The following SBF2 variants were observed in gnomAD, a reference collection of about 807,000 sequenced individuals.
SBF2 encodes SET binding factor 2, also known as myotubularin-related protein 13.
Under a neutral mutation model 225.2 loss-of-function variants are expected in SBF2, and 112 were observed. The ratio of observed to expected loss-of-function variants is 0.50; its 90% confidence interval spans 0.43 to 0.58. The LOEUF is 0.58. Ranked by LOEUF, SBF2 falls within the 20% of genes least tolerant of loss-of-function variation. The pLI, the probability that SBF2 is intolerant of heterozygous loss-of-function variation, is 0.00. For synonymous variants in SBF2, 763 were observed against 773.3 expected (o/e 0.99, Z 0.22); for missense variants, 1,996 against 2,206.2 (o/e 0.90, Z 1.91).
intron 2 of SBF2, among the ~76,000 whole-genome samples, chr11:10,125,032 C>T (rs1953681016): frequency 1.4e-5 from 2 of 147,108 alleles, no homozygotes; most frequent in East Asian, 4.0e-4. Flanking sequence ...TGCTTGAACC[C>T]GGGAGGCGGA....
At chr11:9,978,404 A>G (rs1946796614) in intron 13 of SBF2, among the ~76,000 whole-genome samples, 1 of 152,158 alleles carries the variant, frequency 6.6e-6, no homozygotes, top group Non-Finnish European at 1.5e-5. Flanking sequence ...AGAATTACGT[A>G]CCTAGAATAT....
rs1005259397 is a variant in SBF2, at chr11:9,939,244, T to C, written c.1860+22713A>G. On this transcript the variant is annotated intron_variant, in intron 16 of 39. Transcript: ENST00000256190. ...CCAAGTAGCTGGGATTACAGGCACC[T>C]GCCACCACGCCCGGCTAATTTTTTT... Among the ~76,000 whole-genome samples the C allele has an allele frequency of 3.3e-5, 5 of 152,108 alleles. No individual in the cohort carries two copies. The East Asian group carries it at 7.7e-4, about 23-fold the overall frequency.
At chr11:10,225,817 A>T (rs957188897) in intron 1 of SBF2, among the ~76,000 whole-genome samples, 1 of 152,208 alleles carries the variant, frequency 6.6e-6, no homozygotes, top group Non-Finnish European at 1.5e-5. Context: ...CAAAAGTTAA[A>T]TTGACTGACA....
At chr11:10,248,573 T>C (rs1960027059) in intron 1 of SBF2, among the ~76,000 whole-genome samples, 1 of 152,156 alleles carries the variant, frequency 6.6e-6, no homozygotes, top group Non-Finnish European at 1.5e-5. Context: ...TCACCAAAAG[T>C]AAAAATGCTA....
chr11:9,805,814 G>A (rs111493250), intron 32 of SBF2, among the ~76,000 whole-genome samples: 138 of 152,200 alleles, frequency 9.1e-4, no homozygotes, highest in African/African-American at 3.1e-3. Flanking sequence ...AGTAGAGATG[G>A]GGTTTCACCA....
At position 9,845,731 on chromosome 11, in the gene SBF2, C is replaced by T; in HGVS notation, c.2944G>A (p.Val982Ile). 1 of 1,613,720 alleles carries T rather than the reference C, an allele frequency of 6.2e-7. No individual in the cohort carries two copies. The highest frequency in any genetic ancestry group is 1.6e-4 in the Middle Eastern group (1 of 6,062). Residue 982 changes from valine (V) to isoleucine (I), a missense_variant, in exon 24 of 40, where the codon GTA (valine) becomes ATA (isoleucine). Physicochemically the swap from Val to Ile is conservative, Grantham distance 29 (BLOSUM62 3). Transcript: ENST00000256190. ...ITSASFQLIK[V>I]AFDEEVSPEV... ...GGACTGACTTCTTCATCAAATGCTA[C>T]CTTAATCAACTAGAAGCAAAAGAGA...
chr11:9,864,481 G>C (rs541066497), intron 17 of SBF2, among the ~76,000 whole-genome samples: 123 of 152,146 alleles, frequency 8.1e-4, no homozygotes, highest in African/African-American at 2.9e-3. Context: ...TGACCTCCTG[G>C]GCTCAAGCAA....
At position 10,130,413 on chromosome 11, in the gene SBF2, C is replaced by A. The variant is rs547876266; in HGVS notation, c.141+63489G>T. On this transcript the variant is annotated intron_variant, in intron 2 of 39. Coordinates refer to ENST00000256190, the MANE Select transcript of SBF2 (RefSeq NM_030962.4). ...TTCTTAACACTCTTAACAATATACCCTTAAACAATTTTTTTAGTTTTTATT... is the reference window on the plus strand; with the variant it reads ...TTCTTAACACTCTTAACAATATACCATTAAACAATTTTTTTAGTTTTTATT... Among the ~76,000 whole-genome samples the A allele has an allele frequency of 7.9e-5, 12 of 151,978 alleles. No homozygotes were observed. In the South Asian group the frequency reaches 2.5e-3, roughly 32 times the overall value.
intron 1 of SBF2, among the ~76,000 whole-genome samples, chr11:10,228,864 A>G (rs1010414036): frequency 2.0e-5 from 3 of 151,884 alleles, no homozygotes; most frequent in African/African-American, 7.3e-5. Context: ...CTCTTTTTCC[A>G]TTGATTGGAA....
At chr11:10,170,265 T>C (rs575295039) in intron 2 of SBF2, among the ~76,000 whole-genome samples, 7 of 152,228 alleles carry the variant, frequency 4.6e-5, no homozygotes, top group Non-Finnish European at 8.8e-5. Context: ...GCTTGAAGTC[T>C]TACATTTAAG....
chr11:9,960,044 G>C (rs1203584644), intron 16 of SBF2: 1 of 262,080 alleles, frequency 3.8e-6, no homozygotes, highest in Admixed American at 4.7e-5. Flanking sequence ...GGAGTTCAGT[G>C]GCTATTGATA....
At chr11:9,881,796 A>G (rs1859783043) in intron 17 of SBF2, among the ~76,000 whole-genome samples, 1 of 152,128 alleles carries the variant, frequency 6.6e-6, no homozygotes, top group Non-Finnish European at 1.5e-5. Flanking sequence ...AAGCCTGGGC[A>G]ACATAGCAAA....
chr11:9,969,017 C>T (rs886548392), intron 13 of SBF2, among the ~76,000 whole-genome samples: 5 of 144,012 alleles, frequency 3.5e-5, no homozygotes, highest in African/African-American at 7.3e-5. Flanking sequence ...AATATTTTCA[C>T]TTGGATTTTT....
At chr11:10,110,791 T>C (rs933398513) in intron 2 of SBF2, among the ~76,000 whole-genome samples, 3 of 152,162 alleles carry the variant, frequency 2.0e-5, no homozygotes, top group Non-Finnish European at 4.4e-5. Context: ...ATTTAAATGT[T>C]AAAGAAAGTC....
At chr11:9,801,782 G>A (rs1264765145) in intron 32 of SBF2, among the ~76,000 whole-genome samples, 5 of 152,192 alleles carry the variant, frequency 3.3e-5, no homozygotes, top group Non-Finnish European at 2.9e-5. Context: ...AGAAACTCTT[G>A]AATATACCAA....
chr11:10,225,736 C>A (rs716803), intron 1 of SBF2, among the ~76,000 whole-genome samples: 74,303 of 151,664 alleles, frequency 0.49, 18,527 homozygotes, highest in Non-Finnish European at 0.54. Context: ...AACTATCTCA[C>A]GGGAAATTAT....
At chr11:9,798,606 T>G (rs1853279463) in intron 32 of SBF2, among the ~76,000 whole-genome samples, 1 of 152,218 alleles carries the variant, frequency 6.6e-6, no homozygotes, top group Non-Finnish European at 1.5e-5. Flanking sequence ...TTCTTTCCAC[T>G]GAACCAGTCT....
At chr11:10,114,697 T>C (rs1489959245) in intron 2 of SBF2, among the ~76,000 whole-genome samples, 1 of 152,266 alleles carries the variant, frequency 6.6e-6, no homozygotes, top group African/African-American at 2.4e-5. Context: ...CTGTTCCTTT[T>C]GTATTGCACA....
chr11:9,929,584 C>G (rs906529466), intron 16 of SBF2, among the ~76,000 whole-genome samples: 1 of 152,176 alleles, frequency 6.6e-6, no homozygotes, highest in Admixed American at 6.5e-5. Flanking sequence ...AAACCGAAAA[C>G]TGCAAGGCCT....
Sources: allele counts gnomAD v4.1 joint callset (sites outside exome capture counted in the v4.1 genomes callset), GRCh38; gene constraint gnomAD v4.1.1; transcripts MANE v1.5; gene names NCBI Gene and HGNC (gene_info 2026-07-23, HGNC 2026-07-21).